MAP3K7CL: variants seen among roughly 807,000 people sequenced by gnomAD.
MAP3K7CL encodes MAP3K7 C-terminal-like protein.
In MAP3K7CL, 16 loss-of-function variants were observed where a neutral mutation model predicts 18.6. The ratio of observed to expected loss-of-function variants is 0.86; its 90% confidence interval spans 0.58 to 1.31. The LOEUF (loss-of-function observed/expected upper bound fraction) is 1.31. Among genes scored for constraint, MAP3K7CL ranks in the 50% most tolerant of loss-of-function variants. MAP3K7CL has a pLI of 0.00. For synonymous variants in MAP3K7CL, 65 were observed against 66.8 expected, an observed-to-expected ratio of 0.97 and a Z score of 0.13; for missense variants, 163 against 174.4, an observed-to-expected ratio of 0.93 and a Z score of 0.37.
chr21:29,091,477 TTC>T (rs967846227), intron 1 of MAP3K7CL: 2 of 663,286 alleles, frequency 3.0e-6, no homozygotes, highest in African/African-American at 1.8e-5. Flanking sequence ...TTTTCTTTTT[TTC>T]TTTTTTATTT....
intron 3 of MAP3K7CL, among the ~76,000 whole-genome samples, chr21:29,156,187 A>G (rs1367480139): frequency 1.3e-5 from 2 of 152,240 alleles, no homozygotes; most frequent in East Asian, 1.9e-4. Context: ...AACTATCAAC[A>G]TTAAGAGTTT....
At chr21:29,099,261 ATTTTTTT>A (rs968362985) in intron 4 of MAP3K7CL, among the ~76,000 whole-genome samples, 37 of 83,072 alleles carry the variant, frequency 4.5e-4, no homozygotes, top group Middle Eastern at 8.6e-3. Flanking sequence ...CAGCTAATTG[ATTTTTTT>A]TTTTTTTTTT....
intron 1 of MAP3K7CL, among the ~76,000 whole-genome samples, chr21:29,086,200 C>A (rs543500501): frequency 6.6e-6 from 1 of 152,288 alleles, no homozygotes; most frequent in African/African-American, 2.4e-5. Context: ...CATGTGATAT[C>A]CTGCGGAAAA....
At chr21:29,098,257 G>T (rs755293776) in intron 4 of MAP3K7CL, among the ~76,000 whole-genome samples, 22 of 152,100 alleles carry the variant, frequency 1.4e-4, no homozygotes, top group African/African-American at 5.3e-4. Flanking sequence ...TTTTCTCTCC[G>T]TGTGCTCCAC....
At chr21:29,144,418 G>A (rs2087080514) in intron 2 of MAP3K7CL, among the ~76,000 whole-genome samples, 1 of 152,196 alleles carries the variant, frequency 6.6e-6, no homozygotes, top group Non-Finnish European at 1.5e-5. Context: ...TCCTGCCTGG[G>A]CCTCCCAAAG....
At chr21:29,099,588 C>G (rs2086185532) in intron 4 of MAP3K7CL, among the ~76,000 whole-genome samples, 1 of 152,180 alleles carries the variant, frequency 6.6e-6, no homozygotes, top group South Asian at 2.1e-4. Context: ...GTTCCATCTG[C>G]CTAGCCTCAC....
At chr21:29,099,550 T>G (rs543645741) in intron 4 of MAP3K7CL, among the ~76,000 whole-genome samples, 3 of 152,322 alleles carry the variant, frequency 2.0e-5, no homozygotes, top group Non-Finnish European at 4.4e-5. Flanking sequence ...TGGTTGTTAT[T>G]ACGCCCTTCC....
chr21:29,134,522 G>A (rs2086842521), intron 2 of MAP3K7CL, among the ~76,000 whole-genome samples: 1 of 152,222 alleles, frequency 6.6e-6, no homozygotes, highest in Non-Finnish European at 1.5e-5. Context: ...AGTGGAGGAT[G>A]TATTCCGTAG....
intron 4 of MAP3K7CL, among the ~76,000 whole-genome samples, chr21:29,105,548 G>A (rs981939063): frequency 2.0e-5 from 3 of 152,146 alleles, no homozygotes; most frequent in Admixed American, 2.0e-4. Context: ...AGGAAGGAGT[G>A]TGTAATTATT....
At chr21:29,090,669 G>A (rs181982266) in intron 1 of MAP3K7CL, among the ~76,000 whole-genome samples, 84 of 152,118 alleles carry the variant, frequency 5.5e-4, no homozygotes, top group African/African-American at 1.9e-3. Context: ...GTGAGCCACC[G>A]CGCCCGGCAG....
intron 2 of MAP3K7CL, among the ~76,000 whole-genome samples, chr21:29,137,235 A>C (rs1428474794): frequency 6.6e-6 from 1 of 152,198 alleles, no homozygotes; most frequent in Non-Finnish European, 1.5e-5. Context: ...ACTGACCTGC[A>C]GTTATTTAGG....
At chr21:29,092,903 CTT>C (rs1374151285) in intron 4 of MAP3K7CL, among the ~76,000 whole-genome samples, 3 of 152,122 alleles carry the variant, frequency 2.0e-5, no homozygotes, top group African/African-American at 7.2e-5. Flanking sequence ...CTCACTATGA[CTT>C]TTTTGTTTTT....
upstream of MAP3K7CL, among the ~76,000 whole-genome samples, chr21:29,130,180 G>T (rs571914434): frequency 1.3e-5 from 2 of 152,248 alleles, no homozygotes; most frequent in Non-Finnish European, 2.9e-5. Flanking sequence ...AAGTACCAAT[G>T]ACATCCAGGT....
At chr21:29,173,796 C>G (rs56151274) in intron 4 of MAP3K7CL, among the ~76,000 whole-genome samples, 4,480 of 152,196 alleles carry the variant, frequency 0.029, 222 homozygotes, top group African/African-American at 0.1. Flanking sequence ...CAACCTCCCA[C>G]GCTCAAGTGA....
At chr21:29,138,063 TGA>T (rs1471317353) in intron 2 of MAP3K7CL, among the ~76,000 whole-genome samples, 1 of 152,144 alleles carries the variant, frequency 6.6e-6, no homozygotes, top group African/African-American at 2.4e-5. Context: ...CCCTGGTAGA[TGA>T]GGAGTTGGTC....
upstream of MAP3K7CL, among the ~76,000 whole-genome samples, chr21:29,129,168 A>G (rs2086733172): frequency 6.6e-6 from 1 of 152,218 alleles, no homozygotes; most frequent in African/African-American, 2.4e-5. Flanking sequence ...TTAATGAACC[A>G]ATATTGATAC....
intron 4 of MAP3K7CL, among the ~76,000 whole-genome samples, chr21:29,099,813 G>A (rs1031292512): frequency 1.3e-5 from 2 of 152,154 alleles, no homozygotes; most frequent in African/African-American, 4.8e-5. Context: ...GCCGGGCGCA[G>A]TGGCTCACGC....
At chr21:29,114,768 A>C (rs1184265911) in intron 4 of MAP3K7CL, among the ~76,000 whole-genome samples, 1 of 152,206 alleles carries the variant, frequency 6.6e-6, no homozygotes, top group Non-Finnish European at 1.5e-5. Context: ...AAACTCTCAG[A>C]GACTGTAGGG....
intron 2 of MAP3K7CL, among the ~76,000 whole-genome samples, chr21:29,148,870 G>A (rs2087204912): frequency 6.6e-6 from 1 of 152,144 alleles, no homozygotes; most frequent in Non-Finnish European, 1.5e-5. Context: ...AAAGCATTTT[G>A]TTTCATATCA....
Sources: allele counts gnomAD v4.1 joint callset (sites outside exome capture counted in the v4.1 genomes callset), GRCh38; gene constraint gnomAD v4.1.1; transcripts MANE v1.5; gene names NCBI Gene and HGNC (gene_info 2026-07-23, HGNC 2026-07-21).